The following PBX1 variants were observed in gnomAD, a reference collection of about 807,000 sequenced individuals.
PBX1 encodes the protein pre-B-cell leukemia transcription factor 1.
PBX1 carries 6 observed loss-of-function variants against 53.4 expected under a neutral mutation model. The observed-to-expected ratio is 0.11, with a 90% CI of 0.06 to 0.22. The LOEUF (loss-of-function observed/expected upper bound fraction) is 0.22, where lower values mean the gene tolerates loss of function less well. Among genes scored for constraint, PBX1 ranks in the 10% least tolerant of loss-of-function variants. PBX1 has a pLI of 1.00. For synonymous variants in PBX1, 204 were observed against 212.3 expected (o/e 0.96, Z 0.34); for missense variants, 251 against 551.4 (o/e 0.46, Z 5.46).
chr1:164,814,167 A>G (rs971099754), intron 6 of PBX1: 2 of 152,234 alleles, frequency 1.3e-5, no homozygotes, highest in Admixed American at 1.3e-4. Flanking sequence ...TTTTGCTCTT[A>G]ACCAACCTAA....
In PBX1 at chr1:164,773,243, G is replaced by GCACACA. The variant is rs60518864; in HGVS notation, c.266-19226_266-19221dup. Among the ~76,000 whole-genome samples, 262 of 147,782 alleles carry GCACACA rather than the reference G, an allele frequency of 1.8e-3. 2 individuals carry two copies. Among genetic ancestry groups the GCACACA allele is most frequent in the Middle Eastern group, 6.9e-3 (2 of 290 alleles). On this transcript the variant is annotated intron_variant, in intron 2 of 8. Coordinates refer to ENST00000420696, the MANE Select transcript of PBX1 (RefSeq NM_002585.4). ...CAGCTCTTGCATATAGGTAACACGC[G>GCACACA]CACACACACACACACACACACACAC...
intron 2 of PBX1, among the ~76,000 whole-genome samples, chr1:164,857,009 G>A (rs1671992537): frequency 1.3e-5 from 2 of 152,108 alleles, no homozygotes; most frequent in Admixed American, 6.6e-5. Flanking sequence ...CAGATGAGAA[G>A]TTTTCTTCCA....
chr1:164,604,548 C>T (rs1192528247), intron 2 of PBX1, among the ~76,000 whole-genome samples: 2 of 152,184 alleles, frequency 1.3e-5, no homozygotes, highest in Admixed American at 1.3e-4. Flanking sequence ...GTGATTTGGC[C>T]TTAACAAATG....
intron 2 of PBX1, among the ~76,000 whole-genome samples, chr1:164,691,351 G>A (rs186172728): frequency 1.4e-3 from 214 of 152,164 alleles, no homozygotes; most frequent in African/African-American, 4.9e-3. Flanking sequence ...TAGCATAGTT[G>A]GTGCTGGAAT....
At chr1:164,576,366 G>T (rs182143246) in intron 2 of PBX1, among the ~76,000 whole-genome samples, 11 of 152,316 alleles carry the variant, frequency 7.2e-5, no homozygotes, top group Admixed American at 6.5e-4. Context: ...CATAGAGGAC[G>T]CTTGGGAGCG....
In PBX1 at chr1:164,881,198, C is replaced by G. The variant is rs114174810; in HGVS notation, n.258-17990C>G. On this transcript the variant is annotated intron_variant and non_coding_transcript_variant, in intron 2 of 2. Coordinates refer to the PBX1 transcript ENST00000558796. ...GATTTTTCTGGGGGAGAACAGCTCACCCTTGAGTGCTAAAATGTAAACCCC... is the reference window on the plus strand; with the variant it reads ...GATTTTTCTGGGGGAGAACAGCTCAGCCTTGAGTGCTAAAATGTAAACCCC... Among the ~76,000 whole-genome samples the G allele has an allele frequency of 2.7e-3, 417 of 152,180 alleles. 5 individuals carry two copies. Among genetic ancestry groups the G allele is most frequent in the South Asian group, 0.011 (54 of 4,812 alleles).
intron 2 of PBX1, among the ~76,000 whole-genome samples, chr1:164,681,156 G>T (rs1661747973): frequency 6.6e-6 from 1 of 151,956 alleles, no homozygotes; most frequent in Non-Finnish European, 1.5e-5. Flanking sequence ...GAGGTGGAAG[G>T]ATTGCTTGGG....
chr1:164,599,613 G>T (rs1303944906), intron 2 of PBX1, among the ~76,000 whole-genome samples: 4 of 152,116 alleles, frequency 2.6e-5, no homozygotes, highest in African/African-American at 9.7e-5. Flanking sequence ...CTGGCATGGG[G>T]ATAACTGGGA....
intron 2 of PBX1, among the ~76,000 whole-genome samples, chr1:164,618,293 ACGG>A (rs71929190): frequency 0.24 from 5,222 of 22,214 alleles, 259 homozygotes; most frequent in East Asian, 0.39. Flanking sequence ...GAGAATAATC[ACGG>A]CGGGGGGGGG....
chr1:164,749,959 G>T (rs1255989610), intron 2 of PBX1, among the ~76,000 whole-genome samples: 1 of 152,066 alleles, frequency 6.6e-6, no homozygotes, highest in Non-Finnish European at 1.5e-5. Context: ...AATTAGCTGG[G>T]CAAGGTGGCA....
chr1:164,667,191 C>T (rs1571182429), intron 2 of PBX1, among the ~76,000 whole-genome samples: 2 of 152,230 alleles, frequency 1.3e-5, no homozygotes, highest in Middle Eastern at 6.8e-3. Flanking sequence ...TTGTGACCTT[C>T]CCTTTTTCTT....
At chr1:164,655,116 T>TA (rs1553225087) in intron 2 of PBX1, among the ~76,000 whole-genome samples, 16 of 136,002 alleles carry the variant, frequency 1.2e-4, no homozygotes, top group African/African-American at 3.5e-4. Context: ...TTTTTTTTTT[T>TA]ATTTTTATTT....
chr1:164,643,656 A>G (rs977583470), intron 2 of PBX1, among the ~76,000 whole-genome samples: 2 of 152,284 alleles, frequency 1.3e-5, no homozygotes, highest in Non-Finnish European at 2.9e-5. Flanking sequence ...AACCTTTTGG[A>G]TACTTATGAC....
At chr1:164,729,044 A>C (rs865790050) in intron 2 of PBX1, among the ~76,000 whole-genome samples, 1 of 152,210 alleles carries the variant, frequency 6.6e-6, no homozygotes, top group Non-Finnish European at 1.5e-5. Context: ...TGCAATAGCC[A>C]CTTCTCTTTT....
chr1:164,702,593 G>A (rs188843513), intron 2 of PBX1, among the ~76,000 whole-genome samples: 29 of 152,242 alleles, frequency 1.9e-4, no homozygotes, highest in African/African-American at 5.5e-4. Flanking sequence ...AGGGTGTCAC[G>A]CATGTGCTTG....
In PBX1 at chr1:164,751,207, C is replaced by T. The variant is rs576645457; in HGVS notation, c.266-41287C>T. ...GTGCATGCCTGTAATCCCAGCTACT[C>T]GGGAGTCTGAGGTGGGAGAATCGCT... On this transcript the variant is annotated intron_variant, in intron 2 of 8. Coordinates refer to ENST00000420696, the MANE Select transcript of PBX1 (RefSeq NM_002585.4). Among the ~76,000 whole-genome samples the T allele has an allele frequency of 1.3e-4, 20 of 150,098 alleles. No individual in the cohort carries two copies. In the East Asian group the frequency reaches 2.2e-3, roughly 16 times the overall value.
intron 2 of PBX1, among the ~76,000 whole-genome samples, chr1:164,615,106 T>G (rs1657182191): frequency 6.6e-6 from 1 of 152,186 alleles, no homozygotes. Context: ...ATTCAACTCT[T>G]TCCTTAATTC....
At chr1:164,767,926 A>G (rs1312958993) in intron 2 of PBX1, among the ~76,000 whole-genome samples, 1 of 152,194 alleles carries the variant, frequency 6.6e-6, no homozygotes, top group Non-Finnish European at 1.5e-5. Context: ...TGAAGGACTC[A>G]TGTTGTTGAA....
chr1:164,743,291 G>A (rs1008789960), intron 2 of PBX1, among the ~76,000 whole-genome samples: 28 of 152,048 alleles, frequency 1.8e-4, no homozygotes, highest in African/African-American at 6.5e-4. Flanking sequence ...TAGAATTTTG[G>A]TTGACTCTGA....
Sources: gnomAD v4.1 joint callset for allele counts (sites outside exome capture counted in the v4.1 genomes callset) on GRCh38, gnomAD v4.1.1 for gene constraint, MANE v1.5 for transcripts, NCBI Gene and HGNC (gene_info 2026-07-23, HGNC 2026-07-21) for gene names.